The following SHANK2 variants were observed in gnomAD, a reference collection of about 807,000 sequenced individuals.
The protein encoded by SHANK2 is SH3 and multiple ankyrin repeat domains 2, also known as SH3 and multiple ankyrin repeat domains protein 2.
Under a neutral mutation model 133.7 loss-of-function variants are expected in SHANK2, and 43 were observed. That is an observed-to-expected ratio of 0.32 (90% CI 0.25 to 0.41). SHANK2 has a LOEUF of 0.41. Ranked by LOEUF, SHANK2 falls within the 10% of genes least tolerant of loss-of-function variation. The probability of loss-of-function intolerance (pLI) is 1.00; values close to 1 mark genes in which losing one functional copy is unlikely to be tolerated. For synonymous variants in SHANK2, 1,017 were observed against 952.8 expected (o/e 1.07, Z -1.24); for missense variants, 1,994 against 2,235.8 (o/e 0.89, Z 2.18).
chr11:70,785,069 G>C (rs1480644393), intron 14 of SHANK2, among the ~76,000 whole-genome samples: 35 of 152,288 alleles, frequency 2.3e-4, no homozygotes, highest in Middle Eastern at 3.4e-3. Context: ...TGAGGCCTGT[G>C]TGCCTGCAGC....
Position 70,482,996 on chromosome 11 carries a change from G to A in SHANK2, c.4979+2318C>T, listed in dbSNP as rs555136950. ...CACTCAGGGAGAGGTCTCCATGGAC[G>A]GGGTCCCTGGACTCCCCGAGTGGAG... On this transcript the variant is annotated intron_variant, in intron 25 of 25. Transcript: ENST00000601538. Among the ~76,000 whole-genome samples, 10 of 152,328 alleles carry A rather than the reference G, an allele frequency of 6.6e-5. No homozygotes were observed. In the South Asian group the frequency reaches 1.2e-3, roughly 19 times the overall value.
At chr11:71,079,845 G>A (rs1165274095) in intron 8 of SHANK2, among the ~76,000 whole-genome samples, 31 of 95,934 alleles carry the variant, frequency 3.2e-4, no homozygotes, top group African/African-American at 1.2e-3. Context: ...GGGAGGGGAA[G>A]GAAGGGGAGG....
intron 17 of SHANK2, among the ~76,000 whole-genome samples, chr11:70,581,915 T>C (rs2060189977): frequency 6.6e-6 from 1 of 152,208 alleles, no homozygotes; most frequent in Non-Finnish European, 1.5e-5. Context: ...AGAGCAAAGC[T>C]CCTGATCTCC....
chr11:70,802,962 T>G (rs1450846468), intron 13 of SHANK2, among the ~76,000 whole-genome samples: 3 of 152,178 alleles, frequency 2.0e-5, no homozygotes, highest in Non-Finnish European at 4.4e-5. Flanking sequence ...CCACGCTCAC[T>G]GTGCTACGTG....
intron 18 of SHANK2, 135 bp downstream of exon 18, chr11:70,502,661 A>G: frequency 9.6e-7 from 1 of 1,037,422 alleles, no homozygotes; most frequent in South Asian, 1.6e-5. Flanking sequence ...TTCCAGCCTC[A>G]CCCCTGTGCC....
In SHANK2 at chr11:70,471,244, G is replaced by A. The variant is rs1312348897; in HGVS notation, c.*1625C>T. 1.3e-5 allele frequency: 5 copies of A among 392,236 alleles called. No homozygotes were observed. The highest frequency in any genetic ancestry group is 2.6e-4 in the South Asian group (2 of 7,650). The allele number at this position is 392,236 out of a possible 1,614,324, so 24.3% of individuals were successfully genotyped here. On this transcript the variant is annotated 3_prime_UTR_variant, in exon 26 of 26. Coordinates refer to ENST00000601538, the MANE Select transcript of SHANK2 (RefSeq NM_012309.5). The surrounding 1 kb of genome is among the most constrained non-coding windows in gnomAD (Gnocchi z 4.1). ...ATGTGTTCATTCTAGAGCTGTTCCA[G>A]ACCTAATCAAGAAAAAAAGGAAAAA...
intron 3 of SHANK2, among the ~76,000 whole-genome samples, chr11:71,130,983 C>T (rs1192934903): frequency 8.5e-5 from 13 of 152,230 alleles, no homozygotes; most frequent in East Asian, 1.9e-4. Context: ...TCTGCAGCTA[C>T]GGTTTCTGTC....
At chr11:71,210,314 T>A (rs1441106584) in intron 2 of SHANK2, among the ~76,000 whole-genome samples, 1 of 147,512 alleles carries the variant, frequency 6.8e-6, no homozygotes, top group East Asian at 2.1e-4. Flanking sequence ...AATAGTGTGA[T>A]CTTGGCTCAC....
intron 17 of SHANK2, among the ~76,000 whole-genome samples, chr11:70,658,248 C>CACACAG (rs1565220419): frequency 1.7e-5 from 2 of 117,856 alleles, no homozygotes; most frequent in African/African-American, 4.8e-5. Context: ...CACACACAGA[C>CACACAG]ACACACACAC....
chr11:71,081,535 G>A (rs1011975313), intron 8 of SHANK2, among the ~76,000 whole-genome samples: 4 of 152,130 alleles, frequency 2.6e-5, no homozygotes, highest in Non-Finnish European at 5.9e-5. Flanking sequence ...CAGGAGGGCA[G>A]GATAGAGGAC....
intron 8 of SHANK2, among the ~76,000 whole-genome samples, chr11:71,086,893 G>A (rs1475575902): frequency 2.0e-5 from 3 of 152,210 alleles, no homozygotes; most frequent in Admixed American, 6.5e-5. Context: ...CGAAGGCAAA[G>A]TTGCTTCACA....
At chr11:70,725,946 A>G (rs1946172024) in intron 14 of SHANK2, among the ~76,000 whole-genome samples, 1 of 152,222 alleles carries the variant, frequency 6.6e-6, no homozygotes, top group Non-Finnish European at 1.5e-5. Flanking sequence ...CTGACAGTCC[A>G]TAAAAACATG....
intron 17 of SHANK2, among the ~76,000 whole-genome samples, chr11:70,614,012 A>G (rs1554995214): frequency 1.3e-5 from 2 of 151,878 alleles, no homozygotes; most frequent in African/African-American, 4.8e-5. Context: ...TTATCTGCCC[A>G]CTTCTGCCTC....
chr11:70,482,142 C>G (rs1555151833), intron 25 of SHANK2, among the ~76,000 whole-genome samples: 2 of 152,252 alleles, frequency 1.3e-5, no homozygotes, highest in Admixed American at 1.3e-4. Flanking sequence ...AGTGAATGCT[C>G]TTCATCTTTG....
intron 15 of SHANK2, among the ~76,000 whole-genome samples, chr11:70,664,577 A>G (rs1291579820): frequency 2.6e-5 from 4 of 152,220 alleles, no homozygotes; most frequent in Non-Finnish European, 5.9e-5. Flanking sequence ...CCCAGCTCCA[A>G]GGGGAACCTG....
At chr11:70,664,761 A>G (rs1399429345) in intron 15 of SHANK2, among the ~76,000 whole-genome samples, 1 of 152,192 alleles carries the variant, frequency 6.6e-6, no homozygotes, top group Non-Finnish European at 1.5e-5. Flanking sequence ...GCTGTCTCCC[A>G]TAGACTAGAG....
chr11:70,563,488 T>C (rs1231119281), intron 17 of SHANK2, among the ~76,000 whole-genome samples: 1 of 151,638 alleles, frequency 6.6e-6, no homozygotes, highest in African/African-American at 2.4e-5. Flanking sequence ...TTTACATATA[T>C]AGCCATGCAG....
intron 20 of SHANK2, 94 bp downstream of exon 20, chr11:70,501,829 C>A (rs2059057954): frequency 2.2e-6 from 3 of 1,337,214 alleles, no homozygotes; most frequent in Non-Finnish European, 3.1e-6. Flanking sequence ...GAGCAGCTCA[C>A]ACAGGCCTCC....
intron 10 of SHANK2, among the ~76,000 whole-genome samples, chr11:70,897,463 T>C (rs1193743875): frequency 2.6e-5 from 4 of 152,248 alleles, no homozygotes; most frequent in Non-Finnish European, 5.9e-5. Flanking sequence ...AAGAAGTCTT[T>C]CCTTAGGACT....
Sources: allele counts gnomAD v4.1 joint callset (sites outside exome capture counted in the v4.1 genomes callset), GRCh38; gene constraint gnomAD v4.1.1; non-coding constraint Gnocchi (gnomAD v3.1); transcripts MANE v1.5; gene names NCBI Gene and HGNC (gene_info 2026-07-23, HGNC 2026-07-21).